The following FHIT variants were observed in gnomAD, a reference collection of about 807,000 sequenced individuals.
The protein encoded by FHIT is fragile histidine triad diadenosine triphosphatase.
Under a neutral mutation model 17.9 loss-of-function variants are expected in FHIT, and 19 were observed. The observed-to-expected ratio is 1.06, with a 90% confidence interval of 0.74 to 1.56. FHIT has a LOEUF of 1.56. Among genes scored for constraint, FHIT ranks in the 40% most tolerant of loss-of-function variants. The pLI is 0.00. For missense variants in FHIT, 248 were observed against 189.2 expected, an observed-to-expected ratio of 1.31 and a Z score of -1.82; for synonymous variants, 81 against 69.7, an observed-to-expected ratio of 1.16 and a Z score of -0.81.
chr3:60,766,969 T>C (rs1553721606), intron 4 of FHIT, among the ~76,000 whole-genome samples: 1 of 152,194 alleles, frequency 6.6e-6, no homozygotes, highest in African/African-American at 2.4e-5. Flanking sequence ...CTCAATCTCC[T>C]TTTGGACATT....
intron 5 of FHIT, among the ~76,000 whole-genome samples, chr3:60,371,741 TA>T (rs1700339054): frequency 6.6e-6 from 1 of 152,122 alleles, no homozygotes; most frequent in African/African-American, 2.4e-5. Context: ...AAATTGATTT[TA>T]TGGTCATTTG....
At chr3:60,739,789 C>G (rs1286750423) in intron 4 of FHIT, among the ~76,000 whole-genome samples, 1 of 152,124 alleles carries the variant, frequency 6.6e-6, no homozygotes, top group East Asian at 1.9e-4. Flanking sequence ...AGCCATACAC[C>G]CAGATAGTGC....
chr3:60,501,314 A>G (rs899560468), intron 5 of FHIT, among the ~76,000 whole-genome samples: 1 of 152,228 alleles, frequency 6.6e-6, no homozygotes, highest in Non-Finnish European at 1.5e-5. Flanking sequence ...AGTTACAAAG[A>G]TACATAAACA....
chr3:61,016,248 G>A (rs976417108), intron 3 of FHIT, among the ~76,000 whole-genome samples: 1 of 152,146 alleles, frequency 6.6e-6, no homozygotes, highest in Non-Finnish European at 1.5e-5. Flanking sequence ...TGGAGGAAAA[G>A]GACAGTAATG....
At chr3:60,994,031 T>C (rs982179360) in intron 3 of FHIT, among the ~76,000 whole-genome samples, 3 of 152,204 alleles carry the variant, frequency 2.0e-5, no homozygotes, top group Non-Finnish European at 4.4e-5. Flanking sequence ...AAGAAGAATA[T>C]AAAATATGAT....
chr3:60,932,323 T>C (rs1707998656), intron 3 of FHIT, among the ~76,000 whole-genome samples: 1 of 152,134 alleles, frequency 6.6e-6, no homozygotes, highest in Non-Finnish European at 1.5e-5. Context: ...TCCACTCACC[T>C]CTTCCTATCT....
At chr3:60,975,627 A>G (rs1575782053) in intron 3 of FHIT, among the ~76,000 whole-genome samples, 1 of 152,198 alleles carries the variant, frequency 6.6e-6, no homozygotes, top group Admixed American at 6.5e-5. Context: ...CCATGTTTTG[A>G]CCATGTCAAA....
intron 8 of FHIT, among the ~76,000 whole-genome samples, chr3:59,919,650 G>A (rs1194259934): frequency 1.3e-5 from 2 of 152,086 alleles, no homozygotes; most frequent in Non-Finnish European, 2.9e-5. Context: ...GCTTCTTTAG[G>A]CATAATTTTC....
intron 7 of FHIT, among the ~76,000 whole-genome samples, chr3:59,982,007 C>T (rs1213786555): frequency 6.6e-6 from 1 of 151,990 alleles, no homozygotes. Flanking sequence ...CAGTTGACTT[C>T]ACTTCTTTCT....
At chr3:60,486,717 C>T (rs567845816) in intron 5 of FHIT, among the ~76,000 whole-genome samples, 2 of 152,258 alleles carry the variant, frequency 1.3e-5, no homozygotes, top group South Asian at 4.2e-4. Context: ...AGCCAAAACA[C>T]TTCTCCTTAT....
At chr3:60,681,063 C>T (rs1418966514) in intron 4 of FHIT, among the ~76,000 whole-genome samples, 2 of 152,142 alleles carry the variant, frequency 1.3e-5, no homozygotes, top group African/African-American at 4.8e-5. Context: ...TTTTACTGCA[C>T]TTTGTTTCAT....
chr3:59,856,044 G>A (rs1218177140), intron 8 of FHIT, among the ~76,000 whole-genome samples: 1 of 152,082 alleles, frequency 6.6e-6, no homozygotes, highest in Non-Finnish European at 1.5e-5. Context: ...GCCTCCCAAA[G>A]TGCTGGGATT....
intron 3 of FHIT, among the ~76,000 whole-genome samples, chr3:60,833,178 G>T (rs190469298): frequency 1.3e-5 from 2 of 152,070 alleles, no homozygotes; most frequent in Non-Finnish European, 2.9e-5. Context: ...CTTAAGCCCC[G>T]ATTTTCATCA....
chr3:60,594,608 C>CT (rs2038199668), intron 4 of FHIT, among the ~76,000 whole-genome samples: 1 of 152,148 alleles, frequency 6.6e-6, no homozygotes, highest in East Asian at 1.9e-4. Flanking sequence ...AATCCTCCTC[C>CT]TCCCTTCCCT....
At position 60,157,950 on chromosome 3, in the gene FHIT, T is replaced by C. The variant is rs757458644; in HGVS notation, c.104-143798A>G. Among the ~76,000 whole-genome samples the C allele has an allele frequency of 7.2e-4, 110 of 152,182 alleles. 5 individuals are homozygous for C. The highest frequency in any genetic ancestry group is 2.4e-4 in the Non-Finnish European group (16 of 68,038). ...GTGATGAGATGGCTGCATGTAGCAA[T>C]TGGTGCTCTTTGCTTCCTTGTTCGG... On this transcript the variant is annotated intron_variant, in intron 5 of 9. Transcript: ENST00000492590.
At chr3:60,286,595 G>C (rs988514973) in intron 5 of FHIT, among the ~76,000 whole-genome samples, 1 of 152,118 alleles carries the variant, frequency 6.6e-6, no homozygotes, top group African/African-American at 2.4e-5. Flanking sequence ...ATCTCAAACA[G>C]AGTGGCCTCT....
At chr3:60,417,997 G>C (rs1320121901) in intron 5 of FHIT, among the ~76,000 whole-genome samples, 1 of 152,078 alleles carries the variant, frequency 6.6e-6, no homozygotes, top group Non-Finnish European at 1.5e-5. Context: ...AAAGGACAAC[G>C]AATGTCTGAG....
intron 8 of FHIT, among the ~76,000 whole-genome samples, chr3:59,800,240 TG>T: frequency 6.6e-6 from 1 of 152,354 alleles, no homozygotes; most frequent in Non-Finnish European, 1.5e-5. Context: ...AGCTGATTAC[TG>T]GTTCTGGAGT....
intron 3 of FHIT, among the ~76,000 whole-genome samples, chr3:61,023,771 G>C (rs1038547235): frequency 6.6e-6 from 1 of 152,108 alleles, no homozygotes; most frequent in African/African-American, 2.4e-5. Context: ...TTTAATAAAT[G>C]GTGTTGGGAA....
Sources: allele counts gnomAD v4.1 joint callset (sites outside exome capture counted in the v4.1 genomes callset), GRCh38; gene constraint gnomAD v4.1.1; transcripts MANE v1.5; gene names NCBI Gene and HGNC (gene_info 2026-07-23, HGNC 2026-07-21).